The following WEE1 variants were observed in gnomAD, a reference collection of about 807,000 sequenced individuals.
The protein encoded by WEE1 is wee1-like protein kinase.
A neutral mutation model predicts 68.8 loss-of-function variants in WEE1; 16 were observed. The ratio of observed to expected loss-of-function variants is 0.23; its 90% CI spans 0.16 to 0.35. WEE1 has a LOEUF of 0.35. WEE1 is among the 10% of genes least tolerant of loss of function. WEE1 has a pLI of 1.00. For missense variants in WEE1, 651 were observed against 824.1 expected, an observed-to-expected ratio of 0.79 and a Z score of 2.57; for synonymous variants, 349 against 318.7, an observed-to-expected ratio of 1.09 and a Z score of -1.01.
chr11:9,588,741 G>T lies in WEE1; in HGVS notation c.*139G>T. On this transcript the variant is annotated 3_prime_UTR_variant, in exon 11 of 11. Coordinates refer to ENST00000450114, the MANE Select transcript of WEE1 (RefSeq NM_003390.4). ...ATTAGGACTTTTATTGTGAATTACA[G>T]TTGAAAGCTGTATTTTGATGATTGC... The T allele has an allele frequency of 1.5e-6, 2 of 1,328,118 alleles. No individual in the cohort carries two copies. The highest frequency in any genetic ancestry group is 1.5e-5 in the African/African-American group (1 of 67,094). The allele number at this position is 1,328,118 out of a possible 1,614,324, so 82.3% of individuals were successfully genotyped here.
Position 9,577,130 on chromosome 11 carries a change from A to C in WEE1, c.1020-12A>C. On this transcript the variant is annotated splice_polypyrimidine_tract_variant and intron_variant, in intron 4 of 10. Coordinates refer to ENST00000450114, the MANE Select transcript of WEE1 (RefSeq NM_003390.4). Reference sequence around the variant, plus strand: ...ATTATTTACCATTCTATTAATCTCAAATTTCTTCTAGGCAGAACGCTTTGA... The same window carrying C: ...ATTATTTACCATTCTATTAATCTCACATTTCTTCTAGGCAGAACGCTTTGA... 1 of 1,593,468 alleles carries C rather than the reference A, an allele frequency of 6.3e-7. No homozygotes were observed. Among genetic ancestry groups the C allele is most frequent in the Non-Finnish European group, 8.5e-7 (1 of 1,172,866 alleles).
chr11:9,573,874 A>G lies in WEE1; in HGVS notation c.-60A>G. The G allele has an allele frequency of 8.5e-7, 1 of 1,178,218 alleles. No individual in the cohort carries two copies. The highest frequency in any genetic ancestry group is 1.1e-6 in the Non-Finnish European group (1 of 947,450). The allele number at this position is 1,178,218 out of a possible 1,614,324, so 73.0% of individuals were successfully genotyped here. A position where few individuals can be genotyped will look rare whatever the true frequency, so the allele number is the denominator to read the frequency against. The stretch of plus-strand genomic sequence containing the variant: ...GTGGCGGACCCGCCCCCAGGCCCGC[A>G]GTGTCCTGGACCCCGCAGGCCTCCG... On this transcript the variant is annotated 5_prime_UTR_variant, in exon 1 of 11. Transcript: ENST00000450114.
Position 9,589,274 on chromosome 11 carries a change from CTTTTT to C in WEE1, c.*681_*685del. On this transcript the variant is annotated 3_prime_UTR_variant, in exon 11 of 11. Transcript: ENST00000450114. ...CTTTTGATGAAAAGCAGCTATTTGCCTTTTTTTTTTTTTCCTTTGAACTTTGAAGC... is the reference window on the plus strand; with the variant it reads ...CTTTTGATGAAAAGCAGCTATTTGCCTTTTTTTTCCTTTGAACTTTGAAGC... The C allele has an allele frequency of 2.3e-6, 2 of 855,250 alleles. No homozygotes were observed. The highest frequency in any genetic ancestry group is 2.8e-6 in the Non-Finnish European group (2 of 718,388). The allele number at this position is 855,250 out of a possible 1,614,324, so 53.0% of individuals were successfully genotyped here.
Position 9,589,829 on chromosome 11 carries a change from G to A in WEE1, c.*1227G>A, listed in dbSNP as rs763434021. The A allele has an allele frequency of 5.0e-6, 3 of 602,118 alleles. No homozygotes were observed. The African/African-American group carries it at 6.0e-5, about 12-fold the overall frequency. The allele number at this position is 602,118 out of a possible 1,614,324, so 37.3% of individuals were successfully genotyped here. On this transcript the variant is annotated 3_prime_UTR_variant, in exon 11 of 11. Transcript: ENST00000450114. ...TTATTGCTATACTATAAAATGTATA[G>A]TGTGTATAATGTACTATTATAAAAG...
intron 6 of WEE1, 72 bp from the exon 7 acceptor site, chr11:9,585,185 TG>T: frequency 8.7e-7 from 1 of 1,150,468 alleles, no homozygotes; most frequent in Non-Finnish European, 1.3e-6. Flanking sequence ...TGGATGATTC[TG>T]GTATATGATC....
At chr11:9,578,545 C>G (rs1267060718) in intron 5 of WEE1, 2 of 152,200 alleles carry the variant, frequency 1.3e-5, no homozygotes, top group Non-Finnish European at 2.9e-5. Flanking sequence ...TCTTAACCTT[C>G]ATTTTTCAGG....
At chr11:9,585,396 G>T (rs1428460454) in intron 7 of WEE1, 43 bp downstream of exon 7, 1 of 1,607,848 alleles carries the variant, frequency 6.2e-7, no homozygotes, top group African/African-American at 1.3e-5. Context: ...TAAAGAGAAG[G>T]CTGTTTTGTT....
chr11:9,575,809 G>T (rs1174128465), intron 1 of WEE1, 79 bp from the exon 2 acceptor site: 3 of 1,263,016 alleles, frequency 2.4e-6, no homozygotes, highest in African/African-American at 1.5e-5. Flanking sequence ...CCTATGAAAG[G>T]CTCGTTGAAG....
rs2134337439 is a variant in WEE1, at chr11:9,574,245, G to A, written c.312G>A (p.Glu104=). The A allele has an allele frequency of 8.3e-7, 1 of 1,202,424 alleles. No homozygotes were observed. The highest frequency in any genetic ancestry group is 1.0e-6 in the Non-Finnish European group (1 of 967,520). 74.5% of individuals were successfully genotyped at this position (1,202,424 alleles called of 1,614,324 possible). Residue 104 remains glutamate (E), a synonymous_variant, in exon 1 of 11, where the codon GAG becomes GAA. Coordinates refer to ENST00000450114, the MANE Select transcript of WEE1 (RefSeq NM_003390.4). This position sits in a 1 kb window ranked among gnomAD's most constrained non-coding sequence, Gnocchi z 4.9. ...CCGGCGCCTGCCCGGGCGCGGACGA[G>A]GCGGGCGGTGGGGCGGAGGGCGACT... ...LLPGACPGAD[E]AGGGAEGDSW...
chr11:9,584,115 G>A (rs1354879827), intron 6 of WEE1, among the ~76,000 whole-genome samples: 3 of 151,250 alleles, frequency 2.0e-5, no homozygotes, highest in Non-Finnish European at 4.4e-5. Context: ...CAAAGTGCTG[G>A]GATTACAGGT....
At chr11:9,585,128 C>T in intron 6 of WEE1, 130 bp from the exon 7 acceptor site, 2 of 729,600 alleles carry the variant, frequency 2.7e-6, no homozygotes, top group Non-Finnish European at 4.5e-6. Flanking sequence ...ATGCTTATTC[C>T]ATGGGTTTGG....
rs1234624824 is a variant in WEE1, at chr11:9,573,818, C to A, written c.-116C>A. 34 of 895,704 alleles carry A rather than the reference C, an allele frequency of 3.8e-5. No individual in the cohort carries two copies. Among genetic ancestry groups the A allele is most frequent in the Non-Finnish European group, 4.3e-6 (3 of 702,836 alleles). 55.5% of individuals were successfully genotyped at this position (895,704 alleles called of 1,614,324 possible). ...GCAGGCCGCCGCCGCGCAGAGACGC[C>A]GCGGCTGCGACTAGGCGCGCCCAGC... On this transcript the variant is annotated 5_prime_UTR_variant, in exon 1 of 11. Coordinates refer to ENST00000450114, the MANE Select transcript of WEE1 (RefSeq NM_003390.4).
Position 9,575,993 on chromosome 11 carries a change from C to G in WEE1, c.682C>G (p.Arg228Gly). Residue 228 changes from arginine (R) to glycine (G), a missense_variant, in exon 2 of 11, where the codon CGA becomes GGA. By Grantham distance (125) the Arg-to-Gly change is moderately radical (BLOSUM62 -2). Transcript: ENST00000450114. ...ATCAGGAAAAAGGGAATTTGATGTG[C>G]GACAGACTCCTCAAGTGAATATTAA... is the stretch of plus-strand genomic sequence containing the variant. The part of the protein sequence containing the change: ...EKSGKREFDV[R>G]QTPQVNINPF... The G allele has an allele frequency of 3.7e-6, 6 of 1,614,018 alleles. No homozygotes were observed. Among genetic ancestry groups the G allele is most frequent in the South Asian group, 1.1e-5 (1 of 91,080 alleles).
Position 9,577,340 on chromosome 11 carries a change from G to T in WEE1, c.1141+77G>T, listed in dbSNP as rs534717392. 77 of 1,517,952 alleles carry T rather than the reference G, an allele frequency of 5.1e-5. No homozygotes were observed. In the African/African-American group the frequency reaches 9.7e-4, roughly 19 times the overall value. 94.0% of individuals were successfully genotyped at this position (1,517,952 alleles called of 1,614,324 possible). A position where few individuals can be genotyped will look rare whatever the true frequency, so the allele number is the denominator to read the frequency against. On this transcript the variant is annotated intron_variant, in intron 5 of 10. Transcript: ENST00000450114. ...AATATTTATGGTTATCTAAAATCTT[G>T]CTCTATTTCTGTCACTTTTATCTTT... is the stretch of plus-strand genomic sequence containing the variant.
At position 9,574,706 on chromosome 11, in the gene WEE1, C is replaced by T; in HGVS notation, c.576+197C>T. On this transcript the variant is annotated intron_variant, in intron 1 of 10. Transcript: ENST00000450114. The surrounding 1 kb of genome is among the most constrained non-coding windows in gnomAD (Gnocchi z 4.9). ...GAGATTATGTAACTGAACAATGGGC[C>T]TCGTCTGGAACTTCATCTTACAAAG... 9.3e-7 allele frequency: 1 copy of T among 1,077,450 alleles called. No individual in the cohort carries two copies. The highest frequency in any genetic ancestry group is 1.1e-6 in the Non-Finnish European group (1 of 890,626). 66.7% of individuals were successfully genotyped at this position (1,077,450 alleles called of 1,614,324 possible).
At position 9,574,160 on chromosome 11, in the gene WEE1, G is replaced by A; in HGVS notation, c.227G>A (p.Arg76His). The change falls in exon 1 of 11, where the codon CGC becomes CAC. Residue 76 changes from arginine (R) to histidine (H), a missense_variant. Arg to His is a conservative substitution (Grantham distance 29). This residue lies in a region of WEE1 where 395 missense variants were observed against 378.4 expected (regional missense o/e 1.04). Transcript: ENST00000450114. The surrounding 1 kb of genome is among the most constrained non-coding windows in gnomAD (Gnocchi z 4.9). ...RSPTEPGPER[R>H]RSPGPAPGSP... ...CCCACGGAGCCCGGGCCCGAGCGCC[G>A]CCGCTCGCCCGGGCCGGCCCCCGGC... is the stretch of plus-strand genomic sequence containing the variant. 8.4e-7 allele frequency: 1 copy of A among 1,188,002 alleles called. No homozygotes were observed. Among genetic ancestry groups the A allele is most frequent in the Non-Finnish European group, 1.0e-6 (1 of 960,650 alleles). The allele number at this position is 1,188,002 out of a possible 1,614,324, so 73.6% of individuals were successfully genotyped here.
Position 9,589,240 on chromosome 11 carries a change from GTATAGCTGCTT to G in WEE1, c.*640_*650del, listed in dbSNP as rs1253919935. The G allele has an allele frequency of 1.0e-6, 1 of 982,806 alleles. No homozygotes were observed. 60.9% of individuals were successfully genotyped at this position (982,806 alleles called of 1,614,324 possible). On this transcript the variant is annotated 3_prime_UTR_variant, in exon 11 of 11. Coordinates refer to ENST00000450114, the MANE Select transcript of WEE1 (RefSeq NM_003390.4). ...TCTTTTTGAAACAATTATGTGAAAT[GTATAGCTGCTT>G]TTGATGAAAAGCAGCTATTTGCCTT...
At chr11:9,583,796 CACACACATATATATATATATAT>C (rs1443795209) in intron 6 of WEE1, among the ~76,000 whole-genome samples, 847 of 25,628 alleles carry the variant, frequency 0.033, 5 homozygotes, top group Non-Finnish European at 0.052. Context: ...CACACACACA[CACACACATATATATATATATAT>C]ATATATATAT....
chr11:9,583,352 C>T (rs546383004), intron 6 of WEE1, among the ~76,000 whole-genome samples: 1 of 151,880 alleles, frequency 6.6e-6, no homozygotes, highest in African/African-American at 2.4e-5. Context: ...TGGTGCCTCA[C>T]GCCTGTAATC....
Sources: gnomAD v4.1 joint callset for allele counts (sites outside exome capture counted in the v4.1 genomes callset) on GRCh38, gnomAD v4.1.1 for gene constraint, gnomAD v4.1.1 regional missense constraint, Gnocchi (gnomAD v3.1) non-coding constraint, MANE v1.5 for transcripts, NCBI Gene and HGNC (gene_info 2026-07-23, HGNC 2026-07-21) for gene names.